The following MTHFD1L variants were observed in gnomAD, a reference collection of about 807,000 sequenced individuals.
MTHFD1L encodes the protein methylenetetrahydrofolate dehydrogenase (NADP+ dependent) 1 like.
A neutral mutation model predicts 119.5 loss-of-function variants in MTHFD1L; 81 were observed. The observed-to-expected ratio is 0.68, with a 90% CI of 0.57 to 0.82. The LOEUF (loss-of-function observed/expected upper bound fraction) is 0.82. Among genes scored for constraint, MTHFD1L ranks in the 40% least tolerant of loss-of-function variants. MTHFD1L has a pLI of 0.00. For missense variants in MTHFD1L, 1,125 were observed against 1,253.4 expected (o/e 0.90, Z 1.55); for synonymous variants, 430 against 475.2 (o/e 0.90, Z 1.24).
Position 151,046,469 on chromosome 6 carries a change from GTGTATATATATATATATATATATA to G in MTHFD1L, c.2847+9354_2847+9377del, listed in dbSNP as rs1370179158. 7.0e-4 allele frequency among the ~76,000 whole-genome samples: 82 copies of G among 116,854 alleles called. 1 individual carries two copies. The highest frequency in any genetic ancestry group is 2.5e-3 in the African/African-American group (72 of 28,486). The allele number at this position is 116,854 out of a possible 152,430, so 76.7% of individuals were successfully genotyped here. On this transcript the variant is annotated intron_variant, in intron 26 of 27. Transcript: ENST00000367321. ...ATATATATATATATAATATGTGTGTGTGTATATATATATATATATATATATATATATATATATATATATATAGAC... is the reference window on the plus strand; with the variant it reads ...ATATATATATATATAATATGTGTGTGTATATATATATATATATATATAGAC...
At chr6:151,062,619 G>T (rs1410745977) in intron 26 of MTHFD1L, among the ~76,000 whole-genome samples, 2 of 152,174 alleles carry the variant, frequency 1.3e-5, no homozygotes, top group African/African-American at 4.8e-5. Context: ...TTAGGACTGT[G>T]TTGGGGGCAG....
At chr6:151,051,418 G>T (rs1020757418) in intron 26 of MTHFD1L, among the ~76,000 whole-genome samples, 1 of 152,152 alleles carries the variant, frequency 6.6e-6, no homozygotes, top group African/African-American at 2.4e-5. Context: ...CAAATGCTTT[G>T]TATAGATTAG....
chr6:151,008,162 C>T (rs1781660162), intron 20 of MTHFD1L, among the ~76,000 whole-genome samples: 1 of 152,224 alleles, frequency 6.6e-6, no homozygotes, highest in East Asian at 1.9e-4. Flanking sequence ...TGTTCAGTAA[C>T]AGGGGGAACA....
chr6:151,004,141 G>A (rs1048198975), intron 20 of MTHFD1L, among the ~76,000 whole-genome samples: 15 of 151,740 alleles, frequency 9.9e-5, no homozygotes, highest in Admixed American at 5.3e-4. Flanking sequence ...TCAGGAGTTC[G>A]AGACCAGCCT....
chr6:150,948,814 C>T (rs13205737), intron 15 of MTHFD1L, among the ~76,000 whole-genome samples: 27,403 of 127,822 alleles, frequency 0.21, 4,780 homozygotes, highest in East Asian at 0.39. Flanking sequence ...CTAATTTTTG[C>T]ATTTTTAGTA....
At chr6:150,887,088 C>T (rs1782453084) in intron 6 of MTHFD1L, among the ~76,000 whole-genome samples, 1 of 151,846 alleles carries the variant, frequency 6.6e-6, no homozygotes, top group South Asian at 2.1e-4. Context: ...CCCTCCCTAC[C>T]CCTGAACATC....
chr6:150,886,131 T>TA (rs1194644916), intron 6 of MTHFD1L, among the ~76,000 whole-genome samples: 1 of 152,154 alleles, frequency 6.6e-6, no homozygotes, highest in Non-Finnish European at 1.5e-5. Context: ...AGATAAGACT[T>TA]ACGTTGAAGA....
At chr6:151,062,027 A>G (rs1359873708) in intron 26 of MTHFD1L, among the ~76,000 whole-genome samples, 1 of 152,214 alleles carries the variant, frequency 6.6e-6, no homozygotes, top group Middle Eastern at 3.2e-3. Flanking sequence ...CAGACCCTCA[A>G]AAGGAGAGCT....
At chr6:150,985,808 C>T (rs1466905030) in intron 20 of MTHFD1L, among the ~76,000 whole-genome samples, 4 of 152,134 alleles carry the variant, frequency 2.6e-5, no homozygotes, top group Non-Finnish European at 5.9e-5. Context: ...ACTGGTGCCT[C>T]GTGCCATTTC....
At chr6:151,055,597 G>T (rs373639128) in intron 26 of MTHFD1L, among the ~76,000 whole-genome samples, 6 of 150,642 alleles carry the variant, frequency 4.0e-5, no homozygotes, top group Non-Finnish European at 8.8e-5. Flanking sequence ...GCGCGATCTC[G>T]GCTCACCGCA....
At chr6:151,006,769 G>T (rs1781461844) in intron 20 of MTHFD1L, among the ~76,000 whole-genome samples, 1 of 151,996 alleles carries the variant, frequency 6.6e-6, no homozygotes, top group African/African-American at 2.4e-5. Flanking sequence ...CAAACACATG[G>T]TCCGTATCAT....
At chr6:151,023,533 C>T (rs937833493) in intron 24 of MTHFD1L, among the ~76,000 whole-genome samples, 1 of 152,140 alleles carries the variant, frequency 6.6e-6, no homozygotes, top group African/African-American at 2.4e-5. Context: ...GGGATCTGCA[C>T]CTGTCATGAG....
Position 150,916,292 on chromosome 6 carries a change from C to CTTT in MTHFD1L, c.893-2260_893-2258dup, listed in dbSNP as rs71554488. On this transcript the variant is annotated intron_variant, in intron 8 of 27. Transcript: ENST00000367321. ...AGTGATGAAGGAAGGAAGGTAGAAT[C>CTTT]TTTTTTTTTTTTTTTTTTTTTTTTT... Among the ~76,000 whole-genome samples, 195 of 40,016 alleles carry CTTT rather than the reference C, an allele frequency of 4.9e-3. 56 individuals are homozygous for CTTT. The highest frequency in any genetic ancestry group is 0.011 in the East Asian group (14 of 1,258). The allele number at this position is 40,016 out of a possible 152,430, so 26.3% of individuals were successfully genotyped here. A position where few individuals can be genotyped will look rare whatever the true frequency, so the allele number is the denominator to read the frequency against.
rs1778181716 is a variant in MTHFD1L, at chr6:150,865,724, G to T, written c.-99G>T. On this transcript the variant is annotated 5_prime_UTR_variant, in exon 1 of 28. Transcript: ENST00000367321. ...GAGGAGGAAGCGCCAGGTCCTTCCCGCCGCCGCCGCCGCCGCCGCCGCCTG... is the reference window on the plus strand; with the variant it reads ...GAGGAGGAAGCGCCAGGTCCTTCCCTCCGCCGCCGCCGCCGCCGCCGCCTG... 3 of 773,230 alleles carry T rather than the reference G, an allele frequency of 3.9e-6. No individual in the cohort carries two copies. The highest frequency in any genetic ancestry group is 4.9e-6 in the Non-Finnish European group (3 of 615,608). The allele number at this position is 773,230 out of a possible 1,614,324, so 47.9% of individuals were successfully genotyped here.
Position 151,096,169 on chromosome 6 carries a change from T to C in MTHFD1L, c.*31+3582T>C, listed in dbSNP as rs58533767. Among the ~76,000 whole-genome samples, 1,371 of 152,294 alleles carry C rather than the reference T, an allele frequency of 9.0e-3. 14 individuals carry two copies. The highest frequency in any genetic ancestry group is 0.031 in the African/African-American group (1,306 of 41,552). On this transcript the variant is annotated intron_variant, in intron 27 of 27. Transcript: ENST00000367321. ...CAGGTACTTGAGGATAATGAGGTAA[T>C]TTTTTCTAATAAGTAAAGATAATTG...
intron 26 of MTHFD1L, among the ~76,000 whole-genome samples, chr6:151,074,046 G>C (rs1325134260): frequency 6.6e-6 from 1 of 152,192 alleles, no homozygotes; most frequent in Non-Finnish European, 1.5e-5. Context: ...ATGATTTCTT[G>C]TTGGAAACAA....
chr6:151,078,301 AGGTGT>A (rs1436318130), intron 26 of MTHFD1L, among the ~76,000 whole-genome samples: 2 of 152,116 alleles, frequency 1.3e-5, no homozygotes, highest in Non-Finnish European at 2.9e-5. Flanking sequence ...AAAATTAGCC[AGGTGT>A]GGTGGCCTGT....
chr6:151,014,367 A>G (rs749590092), intron 22 of MTHFD1L, among the ~76,000 whole-genome samples: 1 of 152,222 alleles, frequency 6.6e-6, no homozygotes, highest in African/African-American at 2.4e-5. Context: ...GCAGGAACTC[A>G]AGGTCTCCAG....
At chr6:150,871,495 CT>C (rs149449398) in intron 1 of MTHFD1L, among the ~76,000 whole-genome samples, 4,810 of 101,704 alleles carry the variant, frequency 0.047, 140 homozygotes, top group East Asian at 0.18. Context: ...CTACTGTAAT[CT>C]TTTTTTTTTT....
Sources: gnomAD v4.1 joint callset for allele counts (sites outside exome capture counted in the v4.1 genomes callset) on GRCh38, gnomAD v4.1.1 for gene constraint, MANE v1.5 for transcripts, NCBI Gene and HGNC (gene_info 2026-07-23, HGNC 2026-07-21) for gene names.